CTNND2: variants seen among roughly 807,000 people sequenced by gnomAD.
CTNND2 encodes the protein catenin delta-2.
In CTNND2, 22 loss-of-function variants were observed where a neutral mutation model predicts 144.4. That is an observed-to-expected ratio of 0.15 (90% CI 0.11 to 0.22). The LOEUF (loss-of-function observed/expected upper bound fraction) is 0.22, where lower values mean the gene tolerates loss of function less well. CTNND2 is among the 10% of genes least tolerant of loss of function. The probability of loss-of-function intolerance (pLI) is 1.00; values close to 1 mark genes in which losing one functional copy is unlikely to be tolerated. For synonymous variants in CTNND2, 751 were observed against 695.6 expected (o/e 1.08, Z -1.25); for missense variants, 1,353 against 1,618.8 (o/e 0.84, Z 2.82).
intron 2 of CTNND2, among the ~76,000 whole-genome samples, chr5:11,716,039 T>C (rs1036667317): frequency 2.0e-5 from 3 of 152,180 alleles, no homozygotes; most frequent in African/African-American, 7.2e-5. Flanking sequence ...AAAAATGCAC[T>C]GATGTGTCCG....
At chr5:11,425,564 G>A (rs925070577) in intron 3 of CTNND2, among the ~76,000 whole-genome samples, 5 of 152,104 alleles carry the variant, frequency 3.3e-5, no homozygotes, top group South Asian at 2.1e-4. Context: ...TGAAACAACC[G>A]CACTGCCAGT....
At chr5:11,526,565 C>T (rs570883642) in intron 3 of CTNND2, among the ~76,000 whole-genome samples, 2 of 152,320 alleles carry the variant, frequency 1.3e-5, no homozygotes, top group Admixed American at 6.5e-5. Flanking sequence ...CCAGCCACCA[C>T]TTGCTAGAGT....
chr5:11,197,396 C>A (rs1021828530), intron 11 of CTNND2, among the ~76,000 whole-genome samples: 8 of 152,150 alleles, frequency 5.3e-5, no homozygotes, highest in African/African-American at 1.9e-4. Context: ...TAGGAGGAGA[C>A]AGACAGAGAG....
chr5:11,242,483 AC>A (rs1387507773), intron 9 of CTNND2, among the ~76,000 whole-genome samples: 1 of 152,172 alleles, frequency 6.6e-6, no homozygotes, highest in Non-Finnish European at 1.5e-5. Flanking sequence ...AGCGTCTAAA[AC>A]AGTGCCCCTC....
chr5:11,433,224 C>T (rs1329549510), intron 3 of CTNND2, among the ~76,000 whole-genome samples: 1 of 138,728 alleles, frequency 7.2e-6, no homozygotes, highest in Non-Finnish European at 1.5e-5. Context: ...CCAGCCTGGG[C>T]AACAGAGCAA....
At chr5:11,428,132 C>T (rs570290807) in intron 3 of CTNND2, among the ~76,000 whole-genome samples, 6 of 152,208 alleles carry the variant, frequency 3.9e-5, no homozygotes, top group East Asian at 1.9e-4. Flanking sequence ...TCCTATAACA[C>T]GTGGGAATTC....
chr5:11,006,915 G>T (rs1740548064), intron 18 of CTNND2, among the ~76,000 whole-genome samples: 1 of 152,206 alleles, frequency 6.6e-6, no homozygotes, highest in Admixed American at 6.5e-5. Context: ...AATGGACAAT[G>T]TCAGGAGAAA....
intron 6 of CTNND2, among the ~76,000 whole-genome samples, chr5:11,393,521 C>A (rs1285665426): frequency 6.6e-6 from 1 of 152,086 alleles, no homozygotes; most frequent in African/African-American, 2.4e-5. Context: ...GTTTTTGGCT[C>A]CTCTTTGCCA....
At chr5:11,146,003 G>A (rs1468436210) in intron 12 of CTNND2, among the ~76,000 whole-genome samples, 2 of 152,162 alleles carry the variant, frequency 1.3e-5, no homozygotes, top group Non-Finnish European at 2.9e-5. Flanking sequence ...AGACTCTGGG[G>A]TGGGTTCCTA....
chr5:11,110,467 C>T (rs1184413549), intron 14 of CTNND2, among the ~76,000 whole-genome samples: 1 of 152,186 alleles, frequency 6.6e-6, no homozygotes, highest in East Asian at 1.9e-4. Flanking sequence ...CCCTCTGTCT[C>T]TCTCTGTTTC....
chr5:11,135,437 T>A (rs1387739429), intron 12 of CTNND2, among the ~76,000 whole-genome samples: 2 of 96,398 alleles, frequency 2.1e-5, no homozygotes, highest in Non-Finnish European at 4.5e-5. Context: ...AAGAAAAAAG[T>A]TACAGAAGAA....
chr5:11,680,403 G>A (rs1441005387), intron 2 of CTNND2, among the ~76,000 whole-genome samples: 1 of 152,122 alleles, frequency 6.6e-6, no homozygotes, highest in African/African-American at 2.4e-5. Context: ...TGGTAGGAGT[G>A]GGGAGGGAGT....
intron 16 of CTNND2, among the ~76,000 whole-genome samples, chr5:11,061,293 T>C (rs1746949939): frequency 6.6e-6 from 1 of 152,200 alleles, no homozygotes; most frequent in Non-Finnish European, 1.5e-5. Context: ...TCTTCCATCT[T>C]ATCTACTGTC....
In CTNND2 at chr5:10,997,608, AT is replaced by A. The variant is rs199970808; in HGVS notation, c.3085-4932del. Among the ~76,000 whole-genome samples the A allele has an allele frequency of 7.1e-3, 1,051 of 147,848 alleles. 13 individuals carry two copies. Among genetic ancestry groups the A allele is most frequent in the African/African-American group, 0.025 (978 of 39,040 alleles). On this transcript the variant is annotated intron_variant, in intron 18 of 21. Coordinates refer to ENST00000304623, the MANE Select transcript of CTNND2 (RefSeq NM_001332.4). ...TCCATCTTAAAAAAAAAAAAAAAAA[AT>A]TTAAATCCCTGTCTTTTGAAGGAAA...
chr5:11,565,075 C>T lies in CTNND2; in HGVS notation c.175-19G>A, dbSNP rs1776970760. ...GTAATTCCTGAAAGAAACCCATCAA[C>T]AAGATCAATTCAATCATCTACATGA... On this transcript the variant is annotated intron_variant, in intron 2 of 21. Coordinates refer to ENST00000304623, the MANE Select transcript of CTNND2 (RefSeq NM_001332.4). The T allele has an allele frequency of 1.9e-6, 3 of 1,562,460 alleles. No individual in the cohort carries two copies. In the African/African-American group the frequency reaches 4.1e-5, roughly 21 times the overall value.
intron 2 of CTNND2, among the ~76,000 whole-genome samples, chr5:11,688,680 A>C (rs1784764829): frequency 6.6e-6 from 1 of 152,212 alleles, no homozygotes; most frequent in Non-Finnish European, 1.5e-5. Flanking sequence ...GACGAGTGGA[A>C]GTCTCAGTCC....
rs75789249 is a variant in CTNND2, at chr5:11,511,176, T to C, written c.287+53768A>G. On this transcript the variant is annotated intron_variant, in intron 3 of 21. Coordinates refer to ENST00000304623, the MANE Select transcript of CTNND2 (RefSeq NM_001332.4). ...TTCAAGGAATCATTACTCTCAGCAT[T>C]TCTGTCATGCTTTCTCAGAAAGTGT... Among the ~76,000 whole-genome samples, 104 of 152,316 alleles carry C rather than the reference T, an allele frequency of 6.8e-4. 1 individual carries two copies. The East Asian group carries it at 0.015, about 23-fold the overall frequency.
chr5:11,741,689 A>T (rs1581806113), intron 1 of CTNND2, among the ~76,000 whole-genome samples: 1 of 151,470 alleles, frequency 6.6e-6, no homozygotes, highest in South Asian at 2.1e-4. Context: ...TGCACGTTGT[A>T]CACATGTACC....
intron 7 of CTNND2, among the ~76,000 whole-genome samples, chr5:11,372,263 C>G (rs1212456132): frequency 6.6e-6 from 1 of 152,210 alleles, no homozygotes; most frequent in African/African-American, 2.4e-5. Flanking sequence ...GATCTCATCC[C>G]TAGAAAAGTA....
Sources: gnomAD v4.1 joint callset for allele counts (sites outside exome capture counted in the v4.1 genomes callset) on GRCh38, gnomAD v4.1.1 for gene constraint, MANE v1.5 for transcripts, NCBI Gene and HGNC (gene_info 2026-07-23, HGNC 2026-07-21) for gene names.